The following HERC3 variants were observed in gnomAD, a reference collection of about 807,000 sequenced individuals.
HERC3 encodes the protein probable E3 ubiquitin-protein ligase HERC3.
A neutral mutation model predicts 129.9 loss-of-function variants in HERC3; 58 were observed. The ratio of observed to expected loss-of-function variants is 0.45; its 90% confidence interval spans 0.36 to 0.56. The LOEUF (loss-of-function observed/expected upper bound fraction) is 0.56. Among genes scored for constraint, HERC3 ranks in the 20% least tolerant of loss-of-function variants. The pLI is 0.00. For synonymous variants in HERC3, 430 were observed against 451.0 expected (o/e 0.95, Z 0.59); for missense variants, 835 against 1,244.2 (o/e 0.67, Z 4.95).
upstream of HERC3, among the ~76,000 whole-genome samples, chr4:88,587,887 T>C (rs1014290292): frequency 3.3e-5 from 5 of 152,236 alleles, no homozygotes; most frequent in African/African-American, 1.2e-4. Flanking sequence ...AGTCCAGTCA[T>C]AGTGAAATGT....
At chr4:88,690,297 G>A in intron 23 of HERC3, 1 of 983,376 alleles carries the variant, frequency 1.0e-6, no homozygotes, top group Non-Finnish European at 1.2e-6. Flanking sequence ...TTTTAGAATT[G>A]GGAAATTTAT....
intron 21 of HERC3, among the ~76,000 whole-genome samples, 197 bp downstream of exon 21, chr4:88,681,522 G>A (rs891570180): frequency 6.6e-6 from 1 of 152,046 alleles, no homozygotes; most frequent in Non-Finnish European, 1.5e-5. Context: ...GTACAGTATC[G>A]GTATCCGAGG....
chr4:88,667,689 C>T (rs1731191201), intron 13 of HERC3, among the ~76,000 whole-genome samples: 1 of 152,126 alleles, frequency 6.6e-6, no homozygotes, highest in African/African-American at 2.4e-5. Flanking sequence ...CTAGAATATA[C>T]AGTTTGCACT....
At position 88,623,417 on chromosome 4, in the gene HERC3, T is replaced by A. The variant is rs558309401; in HGVS notation, c.226+17368T>A. ...TGTTACTGGGTTTACCTCACTATAC[T>A]GTAATTTTTAAATCTGTCATCTGTT... is the stretch of plus-strand genomic sequence containing the variant. On this transcript the variant is annotated intron_variant, in intron 3 of 25. Coordinates refer to ENST00000402738, the MANE Select transcript of HERC3 (RefSeq NM_014606.3). 3.3e-5 allele frequency among the ~76,000 whole-genome samples: 5 copies of A among 152,366 alleles called. No individual in the cohort carries two copies. In the South Asian group the frequency reaches 1.0e-3, roughly 32 times the overall value.
rs1208265089 is a variant in HERC3, at chr4:88,647,178, G to A, written c.227-2662G>A. ...TGGAATCCAGGTGTTCCCTTTTGAG[G>A]CTACTAAGCTGTAGTAAAGACAAGA... On this transcript the variant is annotated intron_variant, in intron 3 of 25. Transcript: ENST00000402738. Among the ~76,000 whole-genome samples the A allele has an allele frequency of 2.6e-5, 4 of 152,282 alleles. No homozygotes were observed. In the South Asian group the frequency reaches 8.3e-4, roughly 32 times the overall value.
At chr4:88,535,551 TACC>T in the HERC3 span, among the ~76,000 whole-genome samples, 7 of 152,292 alleles carry the variant, frequency 4.6e-5, no homozygotes, top group South Asian at 4.1e-4. Context: ...TAGTAAATGA[TACC>T]ACCATCTTCT....
the HERC3 span, chr4:88,584,041 G>C: frequency 6.6e-6 from 1 of 152,160 alleles, no homozygotes; most frequent in Non-Finnish European, 1.5e-5. Flanking sequence ...CTATATTAAA[G>C]AATCACAAAC....
intron 2 of HERC3, among the ~76,000 whole-genome samples, chr4:88,602,204 C>A (rs1190244089): frequency 6.6e-6 from 1 of 151,704 alleles, no homozygotes; most frequent in Non-Finnish European, 1.5e-5. Flanking sequence ...AGTTCAAGAC[C>A]AGCCTGCCCA....
At chr4:88,585,452 A>G in the HERC3 span, among the ~76,000 whole-genome samples, 1 of 152,140 alleles carries the variant, frequency 6.6e-6, no homozygotes, top group South Asian at 2.1e-4. Flanking sequence ...CTTTTTGAGA[A>G]ATGGACAATA....
At chr4:88,693,782 G>C (rs773155557) in intron 23 of HERC3, 9 of 616,950 alleles carry the variant, frequency 1.5e-5, no homozygotes, top group Non-Finnish European at 1.8e-5. Flanking sequence ...GTAATACTCA[G>C]AGAGTTGGTT....
chr4:88,597,152 A>T (rs910170591), intron 2 of HERC3, among the ~76,000 whole-genome samples: 4 of 152,192 alleles, frequency 2.6e-5, no homozygotes, highest in Non-Finnish European at 5.9e-5. Flanking sequence ...GCATATGTTC[A>T]TGAGTTTCTC....
At chr4:88,633,375 T>C (rs1049866242) in intron 3 of HERC3, among the ~76,000 whole-genome samples, 1 of 152,212 alleles carries the variant, frequency 6.6e-6, no homozygotes, top group Admixed American at 6.5e-5. Flanking sequence ...TCAAAGCATA[T>C]TTAAGATTAC....
At position 88,668,011 on chromosome 4, in the gene HERC3, T is replaced by C; in HGVS notation, c.1563T>C (p.Tyr521=). 6.2e-7 allele frequency: 1 copy of C among 1,613,576 alleles called. No homozygotes were observed. Among genetic ancestry groups the C allele is most frequent in the Non-Finnish European group, 8.5e-7 (1 of 1,179,516 alleles). ...PEFPLLQDSK[Y]YITLTIPLAM... ...TTCCCCTACTCCAGGATTCCAAGTA[T>C]TATATAACATTGACTATTCCCTTGG... is the stretch of plus-strand genomic sequence containing the variant. Residue 521 remains tyrosine (Y), a synonymous_variant, in exon 14 of 26, where the codon TAT becomes TAC. Coordinates refer to ENST00000402738, the MANE Select transcript of HERC3 (RefSeq NM_014606.3).
chr4:88,534,225 G>C, the HERC3 span, among the ~76,000 whole-genome samples: 1 of 152,214 alleles, frequency 6.6e-6, no homozygotes, highest in Non-Finnish European at 1.5e-5. Context: ...CAGAACACTG[G>C]TTTTTCAACT....
At chr4:88,584,963 C>T in the HERC3 span, among the ~76,000 whole-genome samples, 1 of 152,130 alleles carries the variant, frequency 6.6e-6, no homozygotes, top group Non-Finnish European at 1.5e-5. Context: ...AACAAAATAC[C>T]ATACATAGAC....
the HERC3 span, among the ~76,000 whole-genome samples, chr4:88,569,846 T>C: frequency 1.3e-5 from 2 of 152,220 alleles, no homozygotes; most frequent in African/African-American, 4.8e-5. Context: ...CCTGCTCACA[T>C]AGGGCTGCAC....
At chr4:88,685,992 A>G (rs1312500416) in intron 21 of HERC3, among the ~76,000 whole-genome samples, 8 of 152,184 alleles carry the variant, frequency 5.3e-5, no homozygotes, top group African/African-American at 1.7e-4. Context: ...AGTGTCTGAA[A>G]TCAATCTTTT....
At chr4:88,655,769 A>AT in intron 8 of HERC3, 106 bp from the exon 9 acceptor site, 1 of 1,142,406 alleles carries the variant, frequency 8.8e-7, no homozygotes, top group Non-Finnish European at 1.3e-6. Flanking sequence ...GAAAGGCTCT[A>AT]TAGGAGCACC....
chr4:88,660,695 G>A (rs1448506946), intron 10 of HERC3, among the ~76,000 whole-genome samples: 3 of 152,092 alleles, frequency 2.0e-5, no homozygotes, highest in African/African-American at 7.2e-5. Context: ...AAGAGGGAAT[G>A]TGGTTGGGAT....
Sources: gnomAD v4.1 joint callset for allele counts (sites outside exome capture counted in the v4.1 genomes callset) on GRCh38, gnomAD v4.1.1 for gene constraint, MANE v1.5 for transcripts, NCBI Gene and HGNC (gene_info 2026-07-23, HGNC 2026-07-21) for gene names.